The following EREG variants were observed in gnomAD, a reference collection of about 807,000 sequenced individuals.
EREG encodes the protein proepiregulin.
EREG carries 23 observed loss-of-function variants against 22.4 expected under a neutral mutation model. The observed-to-expected ratio is 1.03, with a 90% CI of 0.74 to 1.46. The LOEUF is 1.46. Among genes scored for constraint, EREG ranks in the 40% most tolerant of loss-of-function variants. The probability of loss-of-function intolerance (pLI) is 0.00; values close to 1 mark genes in which losing one functional copy is unlikely to be tolerated. For synonymous variants in EREG, 100 were observed against 75.4 expected (o/e 1.33, Z -1.69); for missense variants, 226 against 205.9 (o/e 1.10, Z -0.60).
At position 74,388,533 on chromosome 4, in the gene EREG, T is replaced by C. The variant is rs942938783; in HGVS notation, c.*3725T>C. 1.2e-4 allele frequency: 19 copies of C among 152,608 alleles called. No individual in the cohort carries two copies. Among genetic ancestry groups the C allele is most frequent in the African/African-American group, 4.3e-4 (18 of 41,458 alleles). 9.5% of individuals were successfully genotyped at this position (152,608 alleles called of 1,614,324 possible). ...CTATGGAACATAAAGTTGTATTGCA[T>C]GCAATTTGAAGTAACTTATTTGACT... On this transcript the variant is annotated 3_prime_UTR_variant, in exon 5 of 5. Coordinates refer to ENST00000244869, the MANE Select transcript of EREG (RefSeq NM_001432.3).
At chr4:74,381,746 G>T (rs2110389028) in intron 3 of EREG, 1 of 151,942 alleles carries the variant, frequency 6.6e-6, no homozygotes, top group African/African-American at 2.4e-5. Flanking sequence ...GGAGGCCGAG[G>T]CGGGCGGATC....
At chr4:74,370,821 A>G (rs1752277339) in intron 1 of EREG, among the ~76,000 whole-genome samples, 1 of 152,214 alleles carries the variant, frequency 6.6e-6, no homozygotes, top group South Asian at 2.1e-4. Context: ...ACCCCACCTC[A>G]TTCCTTGTTC....
At chr4:74,381,316 C>A in intron 3 of EREG, 179 bp downstream of exon 3, 2 of 532,504 alleles carry the variant, frequency 3.8e-6, no homozygotes, top group Admixed American at 3.5e-5. Context: ...CCTTAACCCC[C>A]CCAAAACTCT....
intron 1 of EREG, among the ~76,000 whole-genome samples, chr4:74,378,328 A>C (rs1446516885): frequency 2.6e-5 from 4 of 152,218 alleles, no homozygotes; most frequent in African/African-American, 9.7e-5. Context: ...CCAAACGAAA[A>C]TGTCCAACCG....
chr4:74,382,877 A>G (rs1752502796), intron 4 of EREG, 83 bp downstream of exon 4: 12 of 1,004,328 alleles, frequency 1.2e-5, no homozygotes, highest in Non-Finnish European at 1.5e-5. Context: ...AAATATGGAT[A>G]AAGTATTAGA....
intron 1 of EREG, among the ~76,000 whole-genome samples, chr4:74,372,974 AT>A (rs35483998): frequency 0.6 from 37,759 of 63,412 alleles, 9,625 homozygotes; most frequent in East Asian, 0.72. Context: ...CATCTGGCTA[AT>A]TTTTTTTTTT....
rs151119791 is a variant in EREG, at chr4:74,368,656, T to C, written c.67+3281T>C. ...AGAATCTCCCATTTCCTGGTTAATGTTCACGTGAAAGATGCAAATGTCAAG... is the reference window on the plus strand; with the variant it reads ...AGAATCTCCCATTTCCTGGTTAATGCTCACGTGAAAGATGCAAATGTCAAG... On this transcript the variant is annotated intron_variant, in intron 1 of 4. Transcript: ENST00000244869. Among the ~76,000 whole-genome samples the C allele has an allele frequency of 2.6e-5, 4 of 152,352 alleles. No homozygotes were observed. In the East Asian group the frequency reaches 7.7e-4, roughly 29 times the overall value.
chr4:74,375,105 T>C (rs1752356597), intron 1 of EREG, among the ~76,000 whole-genome samples: 1 of 152,146 alleles, frequency 6.6e-6, no homozygotes, highest in Admixed American at 6.5e-5. Context: ...CTAAAATATT[T>C]AGTATCGTAG....
chr4:74,378,299 G>A (rs1156312133), intron 1 of EREG, among the ~76,000 whole-genome samples: 1 of 151,998 alleles, frequency 6.6e-6, no homozygotes, highest in South Asian at 2.1e-4. Context: ...ACGCACCCTA[G>A]GCCAATAAGC....
intron 1 of EREG, among the ~76,000 whole-genome samples, chr4:74,365,848 C>T (rs1407962109): frequency 6.6e-6 from 1 of 152,040 alleles, no homozygotes; most frequent in Admixed American, 6.5e-5. Context: ...TAAAACCTAG[C>T]CTGGTTTAGC....
At chr4:74,375,621 G>T (rs184463213) in intron 1 of EREG, among the ~76,000 whole-genome samples, 1 of 151,918 alleles carries the variant, frequency 6.6e-6, no homozygotes, top group African/African-American at 2.4e-5. Flanking sequence ...GAGCCACCGC[G>T]CCCGGCCTGA....
chr4:74,371,437 T>A (rs916289668), intron 1 of EREG, among the ~76,000 whole-genome samples: 4 of 152,218 alleles, frequency 2.6e-5, no homozygotes, highest in Non-Finnish European at 5.9e-5. Context: ...ATTCCTTTGA[T>A]AACCACCCTT....
chr4:74,384,508 A>G (rs1172436920), intron 4 of EREG, among the ~76,000 whole-genome samples: 2 of 151,944 alleles, frequency 1.3e-5, no homozygotes, highest in East Asian at 3.9e-4. Context: ...GAAACTCTTT[A>G]AGTGTATTTT....
rs1478265372 is a variant in EREG at position 74,366,249 on chromosome 4, T to A, written c.67+874T>A. The stretch of plus-strand genomic sequence containing the variant: ...AAGAGTTTGAAGTCGTATATGAATA[T>A]CTTAATAAAAAAATAAAAGTTACCA... On this transcript the variant is annotated intron_variant, in intron 1 of 4. Transcript: ENST00000244869. 1.1e-4 allele frequency among the ~76,000 whole-genome samples: 16 copies of A among 152,262 alleles called. No individual in the cohort carries two copies. The East Asian group carries it at 3.1e-3, about 29-fold the overall frequency.
At chr4:74,376,766 A>G (rs562947334) in intron 1 of EREG, among the ~76,000 whole-genome samples, 2 of 152,292 alleles carry the variant, frequency 1.3e-5, no homozygotes, top group Admixed American at 1.3e-4. Flanking sequence ...CAAAAGATAA[A>G]TTTGTAACTC....
rs1752558482 is a variant in EREG, at chr4:74,385,737, A to C, written c.*929A>C. ...TAAATCACAGCCCAAAATTTGATGGACTAATTATTATTTTAAAATATATGA... is the reference window on the plus strand; with the variant it reads ...TAAATCACAGCCCAAAATTTGATGGCCTAATTATTATTTTAAAATATATGA... On this transcript the variant is annotated 3_prime_UTR_variant, in exon 5 of 5. Coordinates refer to ENST00000244869, the MANE Select transcript of EREG (RefSeq NM_001432.3). 1.1e-5 allele frequency: 4 copies of C among 379,090 alleles called. No individual in the cohort carries two copies. Among genetic ancestry groups the C allele is most frequent in the Middle Eastern group, 6.7e-4 (1 of 1,494 alleles). The allele number at this position is 379,090 out of a possible 1,614,324, so 23.5% of individuals were successfully genotyped here. A position where few individuals can be genotyped will look rare whatever the true frequency, so the allele number is the denominator to read the frequency against.
At position 74,382,776 on chromosome 4, in the gene EREG, C is replaced by T. The variant is rs1273313090; in HGVS notation, c.410C>T (p.Thr137Ile). Residue 137 changes from threonine (T) to isoleucine (I), a missense_variant, in exon 4 of 5, where the codon ACA (threonine) becomes ATA (isoleucine). Physicochemically the swap from Thr to Ile is moderately conservative, Grantham distance 89 (BLOSUM62 -1). Coordinates refer to ENST00000244869, the MANE Select transcript of EREG (RefSeq NM_001432.3). ...ILFLITVVGSTYYFCRWYRNR... is the reference protein window; with the variant it reads ...ILFLITVVGSIYYFCRWYRNR... ...TTTCTTATCACAGTCGTCGGTTCCA[C>T]ATATTATTTCTGCAGATGGTAAGTC... 1.2e-6 allele frequency: 2 copies of T among 1,612,328 alleles called. No individual in the cohort carries two copies. The highest frequency in any genetic ancestry group is 1.3e-5 in the African/African-American group (1 of 74,794).
chr4:74,369,070 T>C (rs1400107798), intron 1 of EREG, among the ~76,000 whole-genome samples: 1 of 152,214 alleles, frequency 6.6e-6, no homozygotes, highest in Admixed American at 6.5e-5. Flanking sequence ...CAGGATGATT[T>C]GATAATTGTC....
intron 4 of EREG, among the ~76,000 whole-genome samples, chr4:74,384,370 T>C (rs1752532532): frequency 6.6e-6 from 1 of 152,042 alleles, no homozygotes; most frequent in Non-Finnish European, 1.5e-5. Flanking sequence ...TTTGTAAATA[T>C]TCATTCCTTA....
Sources: allele counts gnomAD v4.1 joint callset (sites outside exome capture counted in the v4.1 genomes callset), GRCh38; gene constraint gnomAD v4.1.1; transcripts MANE v1.5; gene names NCBI Gene and HGNC (gene_info 2026-07-23, HGNC 2026-07-21).